The following AFG2A variants were observed in gnomAD, a reference collection of about 807,000 sequenced individuals.
AFG2A encodes the protein ATPase family gene 2 protein homolog A.
the AFG2A span, among the ~76,000 whole-genome samples, chr4:123,196,101 C>T: frequency 1.1e-4 from 17 of 150,540 alleles, no homozygotes; most frequent in African/African-American, 3.7e-4. Flanking sequence ...CCCAGGTTCA[C>T]GCCATTCTCC....
chr4:123,073,651 A>T, the AFG2A span, among the ~76,000 whole-genome samples: 2 of 152,010 alleles, frequency 1.3e-5, no homozygotes, highest in East Asian at 1.9e-4. Flanking sequence ...AAGAAAACTG[A>T]CTCTTTCTCA....
the AFG2A span, among the ~76,000 whole-genome samples, chr4:123,037,761 T>C: frequency 6.6e-6 from 1 of 152,262 alleles, no homozygotes; most frequent in South Asian, 2.1e-4. Flanking sequence ...TTGTTTTAAA[T>C]TTAAAAAATT....
the AFG2A span, among the ~76,000 whole-genome samples, chr4:123,131,565 A>G: frequency 6.6e-6 from 1 of 152,138 alleles, no homozygotes; most frequent in Non-Finnish European, 1.5e-5. Flanking sequence ...GATACCTCAT[A>G]TAAGTGGAAT....
chr4:122,938,039 G>A, the AFG2A span: 1 of 1,245,436 alleles, frequency 8.0e-7, no homozygotes, highest in African/African-American at 1.5e-5. Context: ...AATTTGATAT[G>A]TTGCATTTCA....
At chr4:122,955,820 A>G in the AFG2A span, among the ~76,000 whole-genome samples, 1 of 152,182 alleles carries the variant, frequency 6.6e-6, no homozygotes, top group African/African-American at 2.4e-5. Context: ...CTTTTGGTAC[A>G]TTTTGCTCTA....
chr4:123,186,486 T>A, the AFG2A span, among the ~76,000 whole-genome samples: 4 of 152,092 alleles, frequency 2.6e-5, no homozygotes, highest in African/African-American at 9.6e-5. Flanking sequence ...GTTGGTGACA[T>A]GTTGAAGCTG....
the AFG2A span, among the ~76,000 whole-genome samples, chr4:122,954,843 G>A: frequency 6.6e-6 from 1 of 152,078 alleles, no homozygotes; most frequent in East Asian, 1.9e-4. Flanking sequence ...CCCTGCAACA[G>A]CTCTTCCAGA....
the AFG2A span, among the ~76,000 whole-genome samples, chr4:123,100,127 C>T: frequency 6.2e-3 from 940 of 151,912 alleles, 11 homozygotes; most frequent in African/African-American, 0.021. Flanking sequence ...CCATCTGATA[C>T]ACTGACACCT....
the AFG2A span, among the ~76,000 whole-genome samples, chr4:122,958,335 C>T: frequency 1.3e-5 from 2 of 152,124 alleles, no homozygotes; most frequent in African/African-American, 4.8e-5. Flanking sequence ...TCATTGTTCA[C>T]CAGTTGTGCT....
At chr4:123,245,706 C>T in the AFG2A span, among the ~76,000 whole-genome samples, 1 of 152,164 alleles carries the variant, frequency 6.6e-6, no homozygotes, top group Non-Finnish European at 1.5e-5. Flanking sequence ...TCTTTTCTTG[C>T]ACAGTGCTAC....
the AFG2A span, among the ~76,000 whole-genome samples, chr4:122,970,398 CAT>C: frequency 6.6e-6 from 1 of 151,120 alleles, no homozygotes; most frequent in East Asian, 1.9e-4. Flanking sequence ...GATAAAATCA[CAT>C]AAAGACACAT....
At chr4:123,218,958 C>T in the AFG2A span, among the ~76,000 whole-genome samples, 1 of 152,170 alleles carries the variant, frequency 6.6e-6, no homozygotes, top group Non-Finnish European at 1.5e-5. Flanking sequence ...TCTAGAGAGA[C>T]AGATCCAATA....
the AFG2A span, among the ~76,000 whole-genome samples, chr4:123,145,761 A>G: frequency 6.6e-6 from 1 of 152,128 alleles, no homozygotes; most frequent in East Asian, 1.9e-4. Flanking sequence ...AATGAGGTAT[A>G]TCCTTTTGGT....
At chr4:123,064,108 G>A in the AFG2A span, among the ~76,000 whole-genome samples, 1,897 of 152,210 alleles carry the variant, frequency 0.012, 40 homozygotes, top group African/African-American at 0.043. Flanking sequence ...GAATAAATAA[G>A]CCTGATATTT....
chr4:123,052,217 A>C, the AFG2A span, among the ~76,000 whole-genome samples: 2 of 151,966 alleles, frequency 1.3e-5, no homozygotes. Flanking sequence ...CCTTTTCATC[A>C]GTCCTGCTGT....
At chr4:122,997,119 T>C in the AFG2A span, among the ~76,000 whole-genome samples, 1 of 152,194 alleles carries the variant, frequency 6.6e-6, no homozygotes, top group African/African-American at 2.4e-5. Context: ...CACCTAAAAT[T>C]AGCCATCACA....
At chr4:123,167,439 C>T in the AFG2A span, among the ~76,000 whole-genome samples, 1 of 152,032 alleles carries the variant, frequency 6.6e-6, no homozygotes, top group African/African-American at 2.4e-5. Flanking sequence ...CCTCCGCCTC[C>T]TGGTTTCACG....
chr4:123,079,693 TGACTC>T, the AFG2A span, among the ~76,000 whole-genome samples: 2 of 151,918 alleles, frequency 1.3e-5, no homozygotes, highest in South Asian at 4.2e-4. Flanking sequence ...TTTCTTTACT[TGACTC>T]GAAAATATTT....
chr4:122,978,179 C>T, the AFG2A span, among the ~76,000 whole-genome samples: 1 of 152,018 alleles, frequency 6.6e-6, no homozygotes, highest in African/African-American at 2.4e-5. Context: ...GCTGGTCAGC[C>T]TGATGAGTGT....
Sources: gnomAD v4.1 joint callset for allele counts (sites outside exome capture counted in the v4.1 genomes callset) on GRCh38, gnomAD v4.1.1 for gene constraint, MANE v1.5 for transcripts, NCBI Gene and HGNC (gene_info 2026-07-23, HGNC 2026-07-21) for gene names.